Variants in SEPTIN2 observed in about 807,000 individuals in gnomAD.
SEPTIN2 encodes septin-2.
SEPTIN2 carries 34 observed loss-of-function variants against 46.5 expected under a neutral mutation model. That is an observed-to-expected ratio of 0.73 (90% CI 0.56 to 0.97). SEPTIN2 has a LOEUF of 0.97. Ranked by LOEUF, SEPTIN2 falls within the 50% of genes least tolerant of loss-of-function variation. The probability of loss-of-function intolerance (pLI) is 0.00; values close to 1 mark genes in which losing one functional copy is unlikely to be tolerated. For missense variants in SEPTIN2, 347 were observed against 448.4 expected (o/e 0.77, Z 2.04); for synonymous variants, 175 against 153.4 (o/e 1.14, Z -1.04).
chr2:241,316,243 C>T (rs983792983), intron 1 of SEPTIN2: 39 of 364,526 alleles, frequency 1.1e-4, no homozygotes, highest in African/African-American at 7.8e-4. Context: ...TTCCGGTGAC[C>T]CCTTGTTGAC....
intron 1 of SEPTIN2, 51 bp from the exon 2 acceptor site, chr2:241,324,165 A>G (rs1461064808): frequency 7.0e-6 from 11 of 1,574,792 alleles, no homozygotes; most frequent in Non-Finnish European, 7.8e-6. Flanking sequence ...GCGTATACAT[A>G]CATACTATGT....
chr2:241,345,160 T>G (rs140002149), intron 9 of SEPTIN2, among the ~76,000 whole-genome samples: 3 of 152,186 alleles, frequency 2.0e-5, no homozygotes, highest in African/African-American at 7.2e-5. Context: ...GCTTAAACTA[T>G]ACCTCTTTAA....
intron 2 of SEPTIN2, chr2:241,324,522 G>A (rs1233922569): frequency 4.4e-6 from 2 of 453,028 alleles, no homozygotes; most frequent in Admixed American, 3.3e-5. Flanking sequence ...GGAGTAGCTG[G>A]GACTGCAGAC....
chr2:241,338,828 TAA>T (rs1491091475), intron 7 of SEPTIN2, among the ~76,000 whole-genome samples: 3 of 98,386 alleles, frequency 3.0e-5, no homozygotes, highest in East Asian at 4.7e-4. Context: ...TATTTATATA[TAA>T]TATATATAAT....
intron 1 of SEPTIN2, among the ~76,000 whole-genome samples, chr2:241,319,511 A>T (rs573316616): frequency 1.3e-5 from 2 of 152,398 alleles, no homozygotes; most frequent in South Asian, 4.1e-4. Flanking sequence ...GTTGTAATTT[A>T]AATAGATTTA....
intron 1 of SEPTIN2, among the ~76,000 whole-genome samples, chr2:241,322,376 C>T (rs184603526): frequency 1.3e-3 from 192 of 152,044 alleles, no homozygotes; most frequent in Non-Finnish European, 1.9e-3. Flanking sequence ...GAGGCTGAGG[C>T]GGGCGGGTCA....
chr2:241,330,247 A>C (rs533965797), intron 3 of SEPTIN2, among the ~76,000 whole-genome samples: 131 of 152,340 alleles, frequency 8.6e-4, no homozygotes, highest in African/African-American at 3.1e-3. Flanking sequence ...TGATGAATAA[A>C]CACCACAGGG....
chr2:241,339,314 AC>A (rs1469422916), intron 7 of SEPTIN2, among the ~76,000 whole-genome samples: 7 of 151,446 alleles, frequency 4.6e-5, no homozygotes, highest in South Asian at 2.1e-4. Flanking sequence ...AATCGCTTCA[AC>A]CCAGGAGGCA....
intron 7 of SEPTIN2, among the ~76,000 whole-genome samples, chr2:241,341,155 G>A (rs1252305666): frequency 6.6e-6 from 1 of 152,080 alleles, no homozygotes; most frequent in Non-Finnish European, 1.5e-5. Context: ...GTATTCCTTA[G>A]TATTATTTTG....
chr2:241,350,913 A>C lies in SEPTIN2; in HGVS notation c.*29+710A>C, dbSNP rs148695831. On this transcript the variant is annotated intron_variant, in intron 12 of 12. Coordinates refer to ENST00000391971, the MANE Select transcript of SEPTIN2 (RefSeq NM_004404.5). Reference sequence around the variant, plus strand: ...TCCCATCACTTGCCAGAGGAAAAGCATGAAAGGTAAAGTTAAGTAATGACC... The same window carrying C: ...TCCCATCACTTGCCAGAGGAAAAGCCTGAAAGGTAAAGTTAAGTAATGACC... 2.0e-5 allele frequency among the ~76,000 whole-genome samples: 3 copies of C among 152,344 alleles called. No homozygotes were observed. The East Asian group carries it at 5.8e-4, about 29-fold the overall frequency.
intron 3 of SEPTIN2, among the ~76,000 whole-genome samples, chr2:241,334,765 C>T: frequency 6.6e-6 from 1 of 152,282 alleles, no homozygotes; most frequent in East Asian, 1.9e-4. Flanking sequence ...ACTAGCAGAA[C>T]TGATAATTGA....
chr2:241,334,087 G>A (rs922888086), intron 3 of SEPTIN2, among the ~76,000 whole-genome samples: 1 of 152,078 alleles, frequency 6.6e-6, no homozygotes, highest in African/African-American at 2.4e-5. Context: ...TGCCCAGGCG[G>A]GGTCTTGAAT....
intron 9 of SEPTIN2, 105 bp from the exon 10 acceptor site, chr2:241,346,061 A>T (rs1575382117): frequency 1.3e-6 from 1 of 743,346 alleles, no homozygotes; most frequent in Non-Finnish European, 2.3e-6. Context: ...TTACCAAGTA[A>T]TTTTAATTAC....
chr2:241,351,924 T>G (rs1263279812), intron 12 of SEPTIN2, 43 bp from the exon 13 acceptor site: 1 of 152,596 alleles, frequency 6.6e-6, no homozygotes, highest in Non-Finnish European at 1.5e-5. Context: ...CAGCAGACAT[T>G]GCCTCACTCC....
rs199561818 is a variant in SEPTIN2 at position 241,324,217 on chromosome 2, C to G, written c.-16C>G. 5 of 1,609,406 alleles carry G rather than the reference C, an allele frequency of 3.1e-6. No individual in the cohort carries two copies. Among genetic ancestry groups the G allele is most frequent in the Non-Finnish European group, 3.4e-6 (4 of 1,178,486 alleles). ...GTCTGTGTGTTTTTTTTTTAACAGA[C>G]GAAGCTTCACAAAAGATGTCTAAGG... On this transcript the variant is annotated splice_region_variant and 5_prime_UTR_variant, in exon 2 of 13. Transcript: ENST00000391971.
chr2:241,338,790 TTATA>T (rs1289921474), intron 7 of SEPTIN2, among the ~76,000 whole-genome samples: 183 of 113,330 alleles, frequency 1.6e-3, no homozygotes, highest in African/African-American at 6.3e-3. Flanking sequence ...TTTATATTAT[TTATA>T]TATAATACAT....
In SEPTIN2 at chr2:241,337,596, G is replaced by A. The variant is rs538562053; in HGVS notation, c.477-77G>A. On this transcript the variant is annotated intron_variant, in intron 6 of 12. Coordinates refer to ENST00000391971, the MANE Select transcript of SEPTIN2 (RefSeq NM_004404.5). ...ACCCAAACTGTGTATTTTAATATAA[G>A]AATTAAGATAATTTGAGAGAGAAGA... 99 of 1,574,160 alleles carry A rather than the reference G, an allele frequency of 6.3e-5. No homozygotes were observed. The South Asian group carries it at 9.2e-4, about 15-fold the overall frequency.
intron 1 of SEPTIN2, among the ~76,000 whole-genome samples, chr2:241,321,477 A>C (rs1039873592): frequency 6.6e-6 from 1 of 152,102 alleles, no homozygotes; most frequent in Admixed American, 6.6e-5. Flanking sequence ...TGTTTGCACT[A>C]GCCTGCTATT....
At chr2:241,350,500 G>T (rs1378006020) in intron 12 of SEPTIN2, among the ~76,000 whole-genome samples, 1 of 152,016 alleles carries the variant, frequency 6.6e-6, no homozygotes, top group Non-Finnish European at 1.5e-5. Flanking sequence ...ACCAACATTA[G>T]AAGGAAATTA....
Sources: gnomAD v4.1 joint callset for allele counts (sites outside exome capture counted in the v4.1 genomes callset) on GRCh38, gnomAD v4.1.1 for gene constraint, MANE v1.5 for transcripts, NCBI Gene and HGNC (gene_info 2026-07-23, HGNC 2026-07-21) for gene names.